SLC24A3: variants seen among roughly 807,000 people sequenced by gnomAD.
The protein encoded by SLC24A3 is solute carrier family 24 member 3.
A neutral mutation model predicts 75.8 loss-of-function variants in SLC24A3; 28 were observed. The observed-to-expected ratio is 0.37, with a 90% confidence interval of 0.27 to 0.51. The LOEUF (loss-of-function observed/expected upper bound fraction) is 0.51, where lower values mean the gene tolerates loss of function less well. Among genes scored for constraint, SLC24A3 ranks in the 20% least tolerant of loss-of-function variants. The pLI, the probability that SLC24A3 is intolerant of heterozygous loss-of-function variation, is 0.94. For synonymous variants in SLC24A3, 372 were observed against 334.1 expected, an observed-to-expected ratio of 1.11 and a Z score of -1.24; for missense variants, 663 against 847.8, an observed-to-expected ratio of 0.78 and a Z score of 2.71.
chr20:19,598,887 A>AATAT (rs73617288), intron 6 of SLC24A3, among the ~76,000 whole-genome samples: 1 of 142,710 alleles, frequency 7.0e-6, no homozygotes, highest in East Asian at 2.0e-4. Context: ...TAAAAATTTA[A>AATAT]ATATATATAT....
intron 2 of SLC24A3, among the ~76,000 whole-genome samples, chr20:19,435,347 A>G (rs1355943159): frequency 6.6e-6 from 1 of 152,236 alleles, no homozygotes; most frequent in Non-Finnish European, 1.5e-5. Context: ...ACTTATCTTC[A>G]GTATATGTTT....
At chr20:19,563,063 A>G (rs796624961) in intron 3 of SLC24A3, among the ~76,000 whole-genome samples, 2 of 152,262 alleles carry the variant, frequency 1.3e-5, no homozygotes, top group African/African-American at 4.8e-5. Flanking sequence ...AACTGGAAAT[A>G]TGGTGTTGCT....
intron 6 of SLC24A3, among the ~76,000 whole-genome samples, chr20:19,614,004 T>C (rs1182985790): frequency 6.6e-6 from 1 of 152,216 alleles, no homozygotes; most frequent in Non-Finnish European, 1.5e-5. Context: ...CTTGATTCTC[T>C]TATGCGGGGG....
chr20:19,237,067 T>C (rs1415881064), intron 1 of SLC24A3, among the ~76,000 whole-genome samples: 1 of 152,244 alleles, frequency 6.6e-6, no homozygotes, highest in African/African-American at 2.4e-5. Context: ...CCTGAAATGA[T>C]GACAATGAGA....
chr20:19,366,347 C>T (rs1985891448), intron 2 of SLC24A3, among the ~76,000 whole-genome samples: 1 of 152,178 alleles, frequency 6.6e-6, no homozygotes, highest in Admixed American at 6.5e-5. Flanking sequence ...GCAACTATGA[C>T]TATTTTAAAA....
In SLC24A3 at chr20:19,276,898, T is replaced by TA. The variant is rs543637377; in HGVS notation, c.143-4047dup. On this transcript the variant is annotated intron_variant, in intron 1 of 16. Coordinates refer to ENST00000328041, the MANE Select transcript of SLC24A3 (RefSeq NM_020689.4). ...AACAGAGCCAGACCATGTCTCTAAT[T>TA]AAAAAAAAAAAAAATTGACCACTCT... 6.6e-3 allele frequency among the ~76,000 whole-genome samples: 938 copies of TA among 142,926 alleles called. 17 individuals are homozygous for TA. The highest frequency in any genetic ancestry group is 0.033 in the South Asian group (145 of 4,446). 93.8% of individuals were successfully genotyped at this position (142,926 alleles called of 152,430 possible). A position where few individuals can be genotyped will look rare whatever the true frequency, so the allele number is the denominator to read the frequency against.
chr20:19,298,680 C>G (rs1290683777), intron 2 of SLC24A3, among the ~76,000 whole-genome samples: 1 of 152,162 alleles, frequency 6.6e-6, no homozygotes, highest in East Asian at 1.9e-4. Context: ...GTTCCTTCTG[C>G]AAGAAAATAG....
chr20:19,248,766 GA>G (rs1345760687), intron 1 of SLC24A3, among the ~76,000 whole-genome samples: 1 of 152,012 alleles, frequency 6.6e-6, no homozygotes, highest in Non-Finnish European at 1.5e-5. Context: ...ATCGACAGAT[GA>G]ATGGCTAAAG....
At chr20:19,432,687 G>A (rs1263304196) in intron 2 of SLC24A3, among the ~76,000 whole-genome samples, 2 of 152,222 alleles carry the variant, frequency 1.3e-5, no homozygotes, top group Admixed American at 1.3e-4. Context: ...TGGCTCAGCT[G>A]TGTTGCCTCA....
chr20:19,675,817 C>T (rs2032515130), intron 9 of SLC24A3, among the ~76,000 whole-genome samples: 2 of 152,178 alleles, frequency 1.3e-5, no homozygotes, highest in African/African-American at 4.8e-5. Flanking sequence ...TCAGAGTACC[C>T]ATCTTATGCC....
At chr20:19,478,064 A>G (rs1987991044) in intron 2 of SLC24A3, among the ~76,000 whole-genome samples, 1 of 152,188 alleles carries the variant, frequency 6.6e-6, no homozygotes, top group Non-Finnish European at 1.5e-5. Flanking sequence ...ATTCTCATTT[A>G]TTGCCATCTG....
intron 2 of SLC24A3, among the ~76,000 whole-genome samples, chr20:19,512,758 C>T (rs552660455): frequency 1.0e-3 from 154 of 152,298 alleles, no homozygotes; most frequent in Non-Finnish European, 1.8e-3. Flanking sequence ...GGGTGACTTT[C>T]ACTCCTTTCC....
chr20:19,546,512 A>G (rs1380004887), intron 3 of SLC24A3, among the ~76,000 whole-genome samples: 1 of 152,148 alleles, frequency 6.6e-6, no homozygotes, highest in Non-Finnish European at 1.5e-5. Context: ...CCTGAACCCC[A>G]TCACCCTCAT....
At chr20:19,328,212 G>T (rs1019964663) in intron 2 of SLC24A3, among the ~76,000 whole-genome samples, 5 of 151,928 alleles carry the variant, frequency 3.3e-5, no homozygotes, top group Non-Finnish European at 4.4e-5. Flanking sequence ...GGCTGGAGCA[G>T]AATGAGGGAG....
chr20:19,714,406 A>T (rs1285496444), intron 15 of SLC24A3, among the ~76,000 whole-genome samples: 35 of 41,978 alleles, frequency 8.3e-4, no homozygotes, highest in Admixed American at 7.3e-3. Context: ...CCCAGTCTCT[A>T]AAAAAAAAAA....
chr20:19,565,162 A>G (rs1330398398), intron 3 of SLC24A3, among the ~76,000 whole-genome samples: 1 of 152,186 alleles, frequency 6.6e-6, no homozygotes, highest in Non-Finnish European at 1.5e-5. Flanking sequence ...GGGTTTGTGG[A>G]ATCCAGTAAG....
chr20:19,685,164 C>T lies in SLC24A3; in HGVS notation c.1127C>T (p.Pro376Leu), dbSNP rs144441319. Residue 376 changes from proline (P) to leucine (L), a missense_variant, in exon 12 of 17, where the codon CCA becomes CTA. Pro to Leu is a moderately conservative substitution (Grantham distance 98). Coordinates refer to ENST00000328041, the MANE Select transcript of SLC24A3 (RefSeq NM_020689.4). ...GAATCTGAGGTGGCCATCAAAATCC[C>T]AATTAAGCACACCGTGGAGAATGGG... ...NGESEVAIKI[P>L]IKHTVENGTG... 41 of 1,613,978 alleles carry T rather than the reference C, an allele frequency of 2.5e-5. No individual in the cohort carries two copies. The highest frequency in any genetic ancestry group is 3.4e-5 in the Non-Finnish European group (40 of 1,180,006).
At position 19,576,384 on chromosome 20, in the gene SLC24A3, T is replaced by C. The variant is rs149930458; in HGVS notation, c.349-3616T>C. Among the ~76,000 whole-genome samples, 9 of 152,296 alleles carry C rather than the reference T, an allele frequency of 5.9e-5. No individual in the cohort carries two copies. The East Asian group carries it at 1.7e-3, about 29-fold the overall frequency. On this transcript the variant is annotated intron_variant, in intron 3 of 16. Transcript: ENST00000328041. Reference sequence around the variant, plus strand: ...TTGAACCTTTGTTTTCTTCCTTTGTTCTCTTTGCTTGTGCTGCAGGAACCT... The same window carrying C: ...TTGAACCTTTGTTTTCTTCCTTTGTCCTCTTTGCTTGTGCTGCAGGAACCT...
chr20:19,599,206 A>T (rs1223917960), intron 6 of SLC24A3, among the ~76,000 whole-genome samples: 1 of 152,174 alleles, frequency 6.6e-6, no homozygotes, highest in Non-Finnish European at 1.5e-5. Context: ...TGCTTCCAGA[A>T]TTTGTGTTCT....
Sources: allele counts gnomAD v4.1 joint callset (sites outside exome capture counted in the v4.1 genomes callset), GRCh38; gene constraint gnomAD v4.1.1; transcripts MANE v1.5; gene names NCBI Gene and HGNC (gene_info 2026-07-23, HGNC 2026-07-21).